The following IL1RAPL1 variants were observed in gnomAD, a reference collection of about 807,000 sequenced individuals.
IL1RAPL1 encodes interleukin-1 receptor accessory protein-like 1.
Under a neutral mutation model 48.4 loss-of-function variants are expected in IL1RAPL1, and 3 were observed. The ratio of observed to expected loss-of-function variants is 0.06; its 90% CI spans 0.03 to 0.16. The LOEUF is 0.16. Ranked by LOEUF, IL1RAPL1 falls within the 10% of genes least tolerant of loss-of-function variation. The probability of loss-of-function intolerance (pLI) is 1.00; values close to 1 mark genes in which losing one functional copy is unlikely to be tolerated. For synonymous variants in IL1RAPL1, 185 were observed against 187.7 expected (o/e 0.99, Z 0.12); for missense variants, 349 against 530.6 (o/e 0.66, Z 3.36).
At chrX:28,637,793 A>G (rs1345171506) in intron 1 of IL1RAPL1, among the ~76,000 whole-genome samples, 1 of 112,347 alleles carries the variant, frequency 8.9e-6, no homozygotes, top group African/African-American at 3.2e-5. Flanking sequence ...TGAATATCAA[A>G]TGAGGAACAA....
intron 2 of IL1RAPL1, among the ~76,000 whole-genome samples, chrX:28,894,526 T>C (rs944294010): frequency 1.4e-4 from 15 of 111,104 alleles, no homozygotes; most frequent in Non-Finnish European, 2.1e-4. Context: ...GGAACAATGG[T>C]AATTGTGGGA....
chrX:28,616,537 G>GA (rs770958924), intron 1 of IL1RAPL1, among the ~76,000 whole-genome samples: 2 of 110,176 alleles, frequency 1.8e-5, no homozygotes, highest in South Asian at 3.9e-4. Context: ...AGGTTCAAGG[G>GA]AGTCTCCTGC....
chrX:28,831,621 T>G (rs1921059047), intron 2 of IL1RAPL1, among the ~76,000 whole-genome samples: 1 of 111,038 alleles, frequency 9.0e-6, no homozygotes, highest in South Asian at 3.8e-4. Flanking sequence ...TAGGGAAAGT[T>G]AAAATATAAC....
chrX:28,915,661 G>T (rs1356772561), intron 2 of IL1RAPL1, among the ~76,000 whole-genome samples: 1 of 111,004 alleles, frequency 9.0e-6, no homozygotes, highest in Non-Finnish European at 1.9e-5. Flanking sequence ...GTGTTTTCCA[G>T]AGCCTGTTAT....
In IL1RAPL1 at chrX:29,007,691, G is replaced by A. The variant is rs139669745; in HGVS notation, c.82+218266G>A. On this transcript the variant is annotated intron_variant, in intron 2 of 10. Coordinates refer to ENST00000378993, the MANE Select transcript of IL1RAPL1 (RefSeq NM_014271.4). Reference sequence around the variant, plus strand: ...TGAGATTTTAAAATGGAGGGGACATGCTAAGTAAAAAATGACAACAGGTGA... The same window carrying A: ...TGAGATTTTAAAATGGAGGGGACATACTAAGTAAAAAATGACAACAGGTGA... 6.1e-3 allele frequency among the ~76,000 whole-genome samples: 680 copies of A among 111,711 alleles called. 5 individuals are homozygous for A. Among genetic ancestry groups the A allele is most frequent in the African/African-American group, 0.021 (635 of 30,793 alleles).
intron 3 of IL1RAPL1, among the ~76,000 whole-genome samples, chrX:29,328,423 TTAAAA>T (rs1932856466): frequency 9.0e-6 from 1 of 110,917 alleles, no homozygotes; most frequent in African/African-American, 3.3e-5. Context: ...ACTGTACCAA[TTAAAA>T]TAAATTTAAG....
At chrX:28,830,157 G>A (rs1395663722) in intron 2 of IL1RAPL1, among the ~76,000 whole-genome samples, 1 of 111,620 alleles carries the variant, frequency 9.0e-6, no homozygotes, top group East Asian at 2.8e-4. Context: ...CTCATGGAAT[G>A]AGGTAGGAAG....
chrX:29,280,020 G>A (rs1279939971), intron 2 of IL1RAPL1, among the ~76,000 whole-genome samples: 1 of 111,502 alleles, frequency 9.0e-6, no homozygotes, highest in Non-Finnish European at 1.9e-5. Flanking sequence ...TTTTTCACTA[G>A]CAGCGATACC....
chrX:28,590,195 C>CA (rs1168215396), intron 1 of IL1RAPL1, among the ~76,000 whole-genome samples: 5 of 111,250 alleles, frequency 4.5e-5, no homozygotes, highest in East Asian at 2.8e-4. Flanking sequence ...CACATATTCA[C>CA]AAAAAATGAA....
chrX:28,702,804 C>T (rs1395286357), intron 1 of IL1RAPL1, among the ~76,000 whole-genome samples: 5 of 106,534 alleles, frequency 4.7e-5, no homozygotes, highest in African/African-American at 1.7e-4. Flanking sequence ...CATGTTTTTC[C>T]TGTATTTATT....
intron 2 of IL1RAPL1, among the ~76,000 whole-genome samples, chrX:29,128,877 G>A (rs1446592041): frequency 9.0e-6 from 1 of 110,965 alleles, no homozygotes; most frequent in Non-Finnish European, 1.9e-5. Flanking sequence ...ATAATGTTTA[G>A]TTTTATATTT....
intron 2 of IL1RAPL1, among the ~76,000 whole-genome samples, chrX:29,264,565 A>G (rs1931919194): frequency 1.8e-5 from 2 of 111,259 alleles, no homozygotes; most frequent in African/African-American, 6.5e-5. Flanking sequence ...GCTTTATAAC[A>G]CACTCCTAAA....
chrX:29,558,376 G>A (rs1214162483), intron 5 of IL1RAPL1, among the ~76,000 whole-genome samples: 1 of 111,460 alleles, frequency 9.0e-6, no homozygotes, highest in Non-Finnish European at 1.9e-5. Flanking sequence ...ATTTTAAGTA[G>A]GCTTATTTGT....
intron 2 of IL1RAPL1, among the ~76,000 whole-genome samples, chrX:28,927,190 C>T (rs1327473709): frequency 9.0e-6 from 1 of 111,626 alleles, no homozygotes; most frequent in African/African-American, 3.3e-5. Context: ...CCACTGTGTC[C>T]AGCCTAAATC....
chrX:28,980,467 T>A (rs1471320058), intron 2 of IL1RAPL1, among the ~76,000 whole-genome samples: 1 of 112,544 alleles, frequency 8.9e-6, no homozygotes. Context: ...TATATTAATT[T>A]CTTACATAAT....
chrX:28,927,715 C>G (rs1923782647), intron 2 of IL1RAPL1, among the ~76,000 whole-genome samples: 1 of 109,413 alleles, frequency 9.1e-6, no homozygotes, highest in African/African-American at 3.3e-5. Context: ...CTTGATCCCT[C>G]CACAGAATTT....
intron 5 of IL1RAPL1, among the ~76,000 whole-genome samples, chrX:29,565,226 C>T (rs182906759): frequency 3.6e-5 from 4 of 110,465 alleles, no homozygotes; most frequent in East Asian, 5.6e-4. Context: ...CAAATCAATA[C>T]GCAGGGTATG....
At chrX:29,414,582 A>G (rs1354873683) in intron 5 of IL1RAPL1, among the ~76,000 whole-genome samples, 1 of 111,076 alleles carries the variant, frequency 9.0e-6, no homozygotes, top group African/African-American at 3.3e-5. Context: ...TTAGCTGGGC[A>G]TGGTGGTGCA....
At chrX:29,931,752 A>G (rs1357610142) in intron 8 of IL1RAPL1, among the ~76,000 whole-genome samples, 4 of 112,347 alleles carry the variant, frequency 3.6e-5, no homozygotes, top group Non-Finnish European at 5.6e-5. Context: ...AGCATTCCCA[A>G]TGGAAGACCA....
Sources: allele counts gnomAD v4.1 joint callset (sites outside exome capture counted in the v4.1 genomes callset), GRCh38; gene constraint gnomAD v4.1.1; transcripts MANE v1.5; gene names NCBI Gene and HGNC (gene_info 2026-07-23, HGNC 2026-07-21).